Variants in MASP1 observed in about 807,000 individuals in gnomAD.
The protein encoded by MASP1 is mannan-binding lectin serine protease 1.
In MASP1, 59 loss-of-function variants were observed where a neutral mutation model predicts 77.1. The observed-to-expected ratio is 0.77, with a 90% CI of 0.62 to 0.95. The LOEUF is 0.95. Ranked by LOEUF, MASP1 falls within the 40% of genes least tolerant of loss-of-function variation. The pLI, the probability that MASP1 is intolerant of heterozygous loss-of-function variation, is 0.00. For synonymous variants in MASP1, 362 were observed against 354.5 expected (o/e 1.02, Z -0.24); for missense variants, 885 against 912.9 (o/e 0.97, Z 0.39).
chr3:187,264,403 T>C (rs1007112128), intron 2 of MASP1, among the ~76,000 whole-genome samples: 31 of 152,124 alleles, frequency 2.0e-4, no homozygotes, highest in African/African-American at 6.5e-4. Context: ...TGTTATTTTA[T>C]CTGACTCAGT....
intron 13 of MASP1, among the ~76,000 whole-genome samples, chr3:187,223,857 A>C (rs753411270): frequency 1.5e-4 from 23 of 152,214 alleles, no homozygotes; most frequent in Admixed American, 8.5e-4. Context: ...ATATCCCTAG[A>C]TCTGCTTCAT....
rs1471282448 is a variant in MASP1 at position 187,223,251 on chromosome 3, G to C, written c.1742-57C>G. ...AAGCTATCTGTGGGGTGTTTGGAGGGGTGCAGCTTGCAGCTCCATCATCCT... is the reference window on the plus strand; with the variant it reads ...AAGCTATCTGTGGGGTGTTTGGAGGCGTGCAGCTTGCAGCTCCATCATCCT... On this transcript the variant is annotated intron_variant, in intron 13 of 15. Transcript: ENST00000337774. 79 of 1,382,238 alleles carry C rather than the reference G, an allele frequency of 5.7e-5. 1 individual carries two copies. Among genetic ancestry groups the C allele is most frequent in the Non-Finnish European group, 7.7e-5 (75 of 969,082 alleles). The allele number at this position is 1,382,238 out of a possible 1,614,324, so 85.6% of individuals were successfully genotyped here.
Position 187,274,068 on chromosome 3 carries a change from C to T in MASP1, c.238-11348G>A, listed in dbSNP as rs141389758. On this transcript the variant is annotated intron_variant, in intron 2 of 10. Coordinates refer to ENST00000296280, the MANE Select transcript of MASP1 (RefSeq NM_139125.4). ...ACTAAAAACACAAAAATTAGCCGGG[C>T]GTCCTGGCGGGCACCTGTAATCCCA... Among the ~76,000 whole-genome samples the T allele has an allele frequency of 3.6e-3, 550 of 152,152 alleles. 3 individuals are homozygous for T. The highest frequency in any genetic ancestry group is 0.011 in the African/African-American group (461 of 41,508).
intron 12 of MASP1, chr3:187,226,282 C>T: frequency 2.7e-6 from 2 of 746,244 alleles, no homozygotes; most frequent in Non-Finnish European, 4.8e-6. Flanking sequence ...GACCTCCATC[C>T]CAGGTGTCCT....
chr3:187,247,988 C>G (rs2108533726), intron 8 of MASP1, among the ~76,000 whole-genome samples: 2 of 152,258 alleles, frequency 1.3e-5, no homozygotes, highest in South Asian at 4.1e-4. Context: ...AACTTGTAAG[C>G]CCCAGAAGCC....
chr3:187,256,061 AG>A (rs1387229879), intron 5 of MASP1, among the ~76,000 whole-genome samples: 3 of 152,126 alleles, frequency 2.0e-5, no homozygotes, highest in Non-Finnish European at 2.9e-5. Context: ...GCTCAAATTC[AG>A]GCTGCCATTC....
chr3:187,243,464 G>A lies in MASP1; in HGVS notation c.1228+20C>T. ...GAGAGTGTGAAACGGGAGTGGGATG[G>A]CTTAGCATGGATGGCTTACCTGTGT... On this transcript the variant is annotated intron_variant, in intron 9 of 10. Coordinates refer to ENST00000296280, the MANE Select transcript of MASP1 (RefSeq NM_139125.4). 1 of 1,613,948 alleles carries A rather than the reference G, an allele frequency of 6.2e-7. No individual in the cohort carries two copies. The highest frequency in any genetic ancestry group is 8.5e-7 in the Non-Finnish European group (1 of 1,179,878).
chr3:187,251,636 T>A lies in MASP1; in HGVS notation c.1009A>T (p.Lys337Ter), dbSNP rs760749419. ...CTTTCCCAGGCAAGGCTCTGCACCTTCAGCACTTTGTAGCCTGTGTCACAG... is the reference window on the plus strand; with the variant it reads ...CTTTCCCAGGCAAGGCTCTGCACCTACAGCACTTTGTAGCCTGTGTCACAG... Reference protein sequence around the residue: ...VSCDTGYKVLKDNVEMDTFQI... With the variant: ...VSCDTGYKVL The change falls in exon 7 of 11, where the codon AAG becomes TAG. Residue 337 changes from lysine to a stop codon, truncating the protein, a stop_gained and splice_region_variant. Coordinates refer to ENST00000296280, the MANE Select transcript of MASP1 (RefSeq NM_139125.4). LOFTEE classifies it high-confidence loss of function. 18 of 1,613,666 alleles carry A rather than the reference T, an allele frequency of 1.1e-5. No individual in the cohort carries two copies. Among genetic ancestry groups the A allele is most frequent in the Non-Finnish European group, 1.7e-6 (2 of 1,179,708 alleles).
intron 3 of MASP1, 29 bp from the exon 4 acceptor site, chr3:187,260,901 A>C: frequency 6.2e-7 from 1 of 1,613,800 alleles, no homozygotes; most frequent in Non-Finnish European, 8.5e-7. Flanking sequence ...CTCTCCATCA[A>C]TACATGCATG....
At chr3:187,238,755 G>A (rs1713380253) in intron 10 of MASP1, among the ~76,000 whole-genome samples, 1 of 152,100 alleles carries the variant, frequency 6.6e-6, no homozygotes. Context: ...AAGTAGCCTT[G>A]TGCAAATCAC....
intron 12 of MASP1, chr3:187,226,184 T>TG: frequency 8.9e-6 from 5 of 562,076 alleles, no homozygotes; most frequent in Non-Finnish European, 1.6e-5. Flanking sequence ...CCTCATTTTA[T>TG]CGTTGTGAAA....
chr3:187,283,180 C>G (rs1175587726), intron 2 of MASP1, among the ~76,000 whole-genome samples: 1 of 152,192 alleles, frequency 6.6e-6, no homozygotes, highest in Non-Finnish European at 1.5e-5. Context: ...AGGAGTCTCA[C>G]CACTCTAGAT....
intron 2 of MASP1, among the ~76,000 whole-genome samples, chr3:187,270,917 C>G (rs895462941): frequency 6.6e-6 from 1 of 152,218 alleles, no homozygotes; most frequent in African/African-American, 2.4e-5. Context: ...GCTAATCCAG[C>G]AAAAGGACCA....
intron 2 of MASP1, among the ~76,000 whole-genome samples, chr3:187,273,291 C>T (rs574140910): frequency 4.3e-4 from 66 of 152,320 alleles, no homozygotes; most frequent in African/African-American, 1.4e-3. Flanking sequence ...CCAGCCTCCT[C>T]CTCTGGCAGG....
At chr3:187,251,428 A>AC (rs34791373) in intron 7 of MASP1, 17 of 562,670 alleles carry the variant, frequency 3.0e-5, no homozygotes, top group East Asian at 6.1e-5. Flanking sequence ...AAAAAAAAAA[A>AC]CAAACTTTTG....
chr3:187,243,396 C>T, intron 9 of MASP1, 88 bp downstream of exon 9: 1 of 1,376,242 alleles, frequency 7.3e-7, no homozygotes, highest in Non-Finnish European at 1.0e-6. Context: ...AGCAGTTCTT[C>T]CTTTCACAGC....
At chr3:187,271,302 G>T (rs772932776) in intron 2 of MASP1, among the ~76,000 whole-genome samples, 3 of 152,034 alleles carry the variant, frequency 2.0e-5, no homozygotes, top group East Asian at 1.9e-4. Context: ...TCCATATCTG[G>T]GAATATAACC....
chr3:187,223,036 G>T, intron 14 of MASP1: 1 of 1,173,844 alleles, frequency 8.5e-7, no homozygotes, highest in Non-Finnish European at 1.3e-6. Flanking sequence ...CCCCACCCAA[G>T]CCTCAAAATC....
chr3:187,254,269 A>G (rs1714879667), intron 5 of MASP1, among the ~76,000 whole-genome samples: 1 of 152,262 alleles, frequency 6.6e-6, no homozygotes, highest in South Asian at 2.1e-4. Context: ...AGAAGTAATC[A>G]TTCCTATAAT....
Sources: allele counts gnomAD v4.1 joint callset (sites outside exome capture counted in the v4.1 genomes callset), GRCh38; gene constraint gnomAD v4.1.1; transcripts MANE v1.5; gene names NCBI Gene and HGNC (gene_info 2026-07-23, HGNC 2026-07-21).